The following MKKS variants were observed in gnomAD, a reference collection of about 807,000 sequenced individuals.
MKKS encodes MKKS centrosomal shuttling protein.
MKKS carries 29 observed loss-of-function variants against 33.2 expected under a neutral mutation model. The observed-to-expected ratio is 0.87, with a 90% confidence interval of 0.65 to 1.19. The LOEUF (loss-of-function observed/expected upper bound fraction) is 1.19. Ranked by LOEUF, MKKS falls within the 50% of genes most tolerant of loss-of-function variation. The pLI, the probability that MKKS is intolerant of heterozygous loss-of-function variation, is 0.00. For synonymous variants in MKKS, 260 were observed against 244.0 expected (o/e 1.07, Z -0.61); for missense variants, 661 against 662.3 (o/e 1.00, Z 0.02).
intron 3 of MKKS, among the ~76,000 whole-genome samples, chr20:10,409,509 G>T (rs6131087): frequency 0.067 from 10,149 of 152,166 alleles, 371 homozygotes; most frequent in East Asian, 0.17. Flanking sequence ...ATCTCCAAAC[G>T]TAATGGAAGT....
intron 1 of MKKS, 96 bp downstream of exon 1, chr20:10,434,012 C>T (rs2065077890): frequency 2.0e-5 from 3 of 152,364 alleles, no homozygotes; most frequent in South Asian, 4.1e-4. Context: ...CACCGGTGAC[C>T]TTTGGGGGTG....
intron 1 of MKKS, among the ~76,000 whole-genome samples, chr20:10,423,292 G>A (rs1250298245): frequency 1.3e-5 from 2 of 152,086 alleles, no homozygotes; most frequent in Non-Finnish European, 2.9e-5. Context: ...GGTGGCGCAC[G>A]CCTGTAGTTC....
rs891597743 is a variant in MKKS at position 10,404,305 on chromosome 20, C to G, written c.*942G>C. 3 of 152,068 alleles carry G rather than the reference C, an allele frequency of 2.0e-5. No homozygotes were observed. Among genetic ancestry groups the G allele is most frequent in the African/African-American group, 7.2e-5 (3 of 41,474 alleles). 9.4% of individuals were successfully genotyped at this position (152,068 alleles called of 1,614,324 possible). A position where few individuals can be genotyped will look rare whatever the true frequency, so the allele number is the denominator to read the frequency against. On this transcript the variant is annotated 3_prime_UTR_variant, in exon 6 of 6. Coordinates refer to ENST00000347364, the MANE Select transcript of MKKS (RefSeq NM_170784.3). ...GTCCTGCTAGAATACTCCTTATTGT[C>G]CTTCCTTTTTCTATCAGTCTATGGT...
At chr20:10,427,604 C>A (rs914362038) in intron 1 of MKKS, among the ~76,000 whole-genome samples, 2 of 152,198 alleles carry the variant, frequency 1.3e-5, no homozygotes, top group African/African-American at 4.8e-5. Flanking sequence ...TTTAATACAG[C>A]AGTTTGAATT....
chr20:10,430,040 A>AAAAAAC (rs1175852448), intron 1 of MKKS, among the ~76,000 whole-genome samples: 34 of 152,064 alleles, frequency 2.2e-4, no homozygotes, highest in African/African-American at 8.0e-4. Flanking sequence ...ACAAAAAACA[A>AAAAAAC]AAAAACAAAA....
At chr20:10,429,782 C>T (rs2065041543) in intron 1 of MKKS, among the ~76,000 whole-genome samples, 3 of 152,174 alleles carry the variant, frequency 2.0e-5, no homozygotes, top group African/African-American at 7.2e-5. Context: ...CTCCTTGCTT[C>T]AATTCCAGTA....
chr20:10,427,029 G>GACACACACACAGACACACACACACAC (rs1226255722), intron 1 of MKKS, among the ~76,000 whole-genome samples: 164 of 130,774 alleles, frequency 1.3e-3, no homozygotes, highest in African/African-American at 3.6e-3. Context: ...AGAAAACACT[G>GACACACACACAGACACACACACACAC]ACACACACAC....
rs1479522681 is a variant in MKKS at position 10,419,947 on chromosome 20, C to T, written c.-418+581G>A. Among the ~76,000 whole-genome samples the T allele has an allele frequency of 3.9e-5, 6 of 152,188 alleles. No homozygotes were observed. The South Asian group carries it at 8.3e-4, about 21-fold the overall frequency. On this transcript the variant is annotated intron_variant, in intron 2 of 5. Transcript: ENST00000347364. ...CTGCGGATAAAGGGAGACAACTGCA[C>T]TGCAAATTGCCTCATGTCAGTTAAG...
rs951838467 is a variant in MKKS at position 10,405,686 on chromosome 20, G to C, written c.1274C>G (p.Thr425Ser). The C allele has an allele frequency of 6.2e-7, 1 of 1,611,160 alleles. No individual in the cohort carries two copies. The highest frequency in any genetic ancestry group is 8.5e-7 in the Non-Finnish European group (1 of 1,177,494). ...THLAAYIRHK[T>S]HNDPESILKD... ...GAGAATGCTTTCTGGGTCGTTGTGA[G>C]TCTAAAGAGTAATAAAAACATTGAA... is the stretch of plus-strand genomic sequence containing the variant. Residue 425 changes from threonine to serine, a missense_variant and splice_region_variant, in exon 6 of 6, where the codon ACT (threonine) becomes AGT (serine). Coordinates refer to ENST00000347364, the MANE Select transcript of MKKS (RefSeq NM_170784.3).
intron 1 of MKKS, among the ~76,000 whole-genome samples, chr20:10,433,062 G>C (rs997047965): frequency 6.6e-6 from 1 of 152,192 alleles, no homozygotes; most frequent in African/African-American, 2.4e-5. Context: ...GGAGTGCAGT[G>C]GCGTGATCTC....
chr20:10,414,634 T>C (rs2064923753), intron 2 of MKKS, among the ~76,000 whole-genome samples: 1 of 152,214 alleles, frequency 6.6e-6, no homozygotes, highest in Admixed American at 6.5e-5. Flanking sequence ...ATTATGTTTT[T>C]ATCTATAATT....
chr20:10,415,236 G>A (rs2064929350), intron 2 of MKKS, among the ~76,000 whole-genome samples: 1 of 152,098 alleles, frequency 6.6e-6, no homozygotes, highest in African/African-American at 2.4e-5. Context: ...GTATTTCCAG[G>A]AATATGCTGA....
chr20:10,405,116 A>T lies in MKKS; in HGVS notation c.*131T>A. ...CCTTTTTTCCTAAATAAGTGTATCT[A>T]TAATTTTATGAGTCATTTGTCCAAA... On this transcript the variant is annotated 3_prime_UTR_variant, in exon 6 of 6. Coordinates refer to ENST00000347364, the MANE Select transcript of MKKS (RefSeq NM_170784.3). 1 of 685,120 alleles carries T rather than the reference A, an allele frequency of 1.5e-6. No homozygotes were observed. Among genetic ancestry groups the T allele is most frequent in the East Asian group, 2.7e-5 (1 of 36,436 alleles). 42.4% of individuals were successfully genotyped at this position (685,120 alleles called of 1,614,324 possible). A position where few individuals can be genotyped will look rare whatever the true frequency, so the allele number is the denominator to read the frequency against.
chr20:10,408,813 A>G lies in MKKS; in HGVS notation c.986-10T>C. The stretch of plus-strand genomic sequence containing the variant: ...CCAATAGGCTGTGTTCCTATTTTTT[A>G]AAGATTAGAAAATACAAGTTGTATA... On this transcript the variant is annotated splice_polypyrimidine_tract_variant and intron_variant, in intron 3 of 5. Coordinates refer to ENST00000347364, the MANE Select transcript of MKKS (RefSeq NM_170784.3). 6.2e-7 allele frequency: 1 copy of G among 1,603,406 alleles called. No homozygotes were observed.
At chr20:10,416,531 C>T (rs1364451650) in intron 2 of MKKS, among the ~76,000 whole-genome samples, 3 of 151,450 alleles carry the variant, frequency 2.0e-5, no homozygotes, top group Non-Finnish European at 2.9e-5. Flanking sequence ...TAAATGCAAA[C>T]CCACAGGTTC....
intron 2 of MKKS, among the ~76,000 whole-genome samples, chr20:10,418,700 G>A (rs965337471): frequency 6.6e-6 from 1 of 151,998 alleles, no homozygotes; most frequent in Non-Finnish European, 1.5e-5. Flanking sequence ...TTTTGCATGA[G>A]AAGAAACTAC....
intron 3 of MKKS, among the ~76,000 whole-genome samples, chr20:10,409,198 A>G (rs1308143643): frequency 6.6e-6 from 1 of 151,324 alleles, no homozygotes; most frequent in Non-Finnish European, 1.5e-5. Context: ...GTGACAGGCT[A>G]TTTTTTTTTA....
At position 10,421,547 on chromosome 20, in the gene MKKS, T is replaced by C. The variant is rs143224258; in HGVS notation, c.-648-789A>G. On this transcript the variant is annotated intron_variant, in intron 1 of 5. Transcript: ENST00000347364. The stretch of plus-strand genomic sequence containing the variant: ...TGTAGTGATAGTGTTTCAACTGCGA[T>C]TGCAACAGCTGAACATGGATTCCAA... 2.7e-3 allele frequency among the ~76,000 whole-genome samples: 404 copies of C among 152,272 alleles called. 12 individuals carry two copies. The East Asian group carries it at 0.058, about 22-fold the overall frequency.
intron 5 of MKKS, among the ~76,000 whole-genome samples, chr20:10,405,922 T>A (rs1047395064): frequency 6.6e-6 from 1 of 152,280 alleles, no homozygotes; most frequent in Admixed American, 6.5e-5. Flanking sequence ...ACCAGTCATG[T>A]TACCAGAATG....
Sources: allele counts gnomAD v4.1 joint callset (sites outside exome capture counted in the v4.1 genomes callset), GRCh38; gene constraint gnomAD v4.1.1; transcripts MANE v1.5; gene names NCBI Gene and HGNC (gene_info 2026-07-23, HGNC 2026-07-21).